NPAS3: variants seen among roughly 807,000 people sequenced by gnomAD.
NPAS3 encodes neuronal PAS domain protein 3.
Under a neutral mutation model 73.1 loss-of-function variants are expected in NPAS3, and 14 were observed. The observed-to-expected ratio is 0.19, with a 90% CI of 0.13 to 0.30. The LOEUF is 0.30. NPAS3 is among the 10% of genes least tolerant of loss of function. NPAS3 has a pLI of 1.00. For synonymous variants in NPAS3, 620 were observed against 541.5 expected, an observed-to-expected ratio of 1.14 and a Z score of -2.01; for missense variants, 1,096 against 1,250.0, an observed-to-expected ratio of 0.88 and a Z score of 1.86.
At chr14:33,079,515 A>C (rs1350774318) in intron 2 of NPAS3, among the ~76,000 whole-genome samples, 1 of 145,202 alleles carries the variant, frequency 6.9e-6, no homozygotes, top group Non-Finnish European at 1.5e-5. Context: ...ATGGGGTTTC[A>C]CCATGTTGGC....
intron 4 of NPAS3, among the ~76,000 whole-genome samples, chr14:33,458,651 G>T (rs1190286218): frequency 6.6e-6 from 1 of 152,202 alleles, no homozygotes; most frequent in East Asian, 1.9e-4. Flanking sequence ...AGCAGTTGCA[G>T]TTGTGCTGTC....
intron 2 of NPAS3, among the ~76,000 whole-genome samples, chr14:33,159,699 G>T (rs1170942683): frequency 6.6e-6 from 1 of 151,824 alleles, no homozygotes; most frequent in Non-Finnish European, 1.5e-5. Context: ...GACTACAGGC[G>T]CCCACCACCA....
chr14:33,418,271 CA>C (rs1316322062), intron 4 of NPAS3, among the ~76,000 whole-genome samples: 1 of 151,906 alleles, frequency 6.6e-6, no homozygotes. Flanking sequence ...ACTTTATAAG[CA>C]AGCAAGAGAA....
intron 4 of NPAS3, among the ~76,000 whole-genome samples, chr14:33,521,258 G>A (rs2053542149): frequency 2.0e-5 from 3 of 152,116 alleles, no homozygotes; most frequent in Admixed American, 2.0e-4. Flanking sequence ...TACTTTCCTT[G>A]AGGAGGTGTC....
chr14:33,607,949 G>A (rs1201128519), intron 5 of NPAS3, among the ~76,000 whole-genome samples: 4 of 152,066 alleles, frequency 2.6e-5, no homozygotes, highest in Non-Finnish European at 4.4e-5. Context: ...TGGGAATAGC[G>A]TGGGGGAAGC....
chr14:33,287,110 A>G lies in NPAS3; in HGVS notation c.385+71684A>G, dbSNP rs9788564. On this transcript the variant is annotated intron_variant, in intron 3 of 11. Transcript: ENST00000356141. ...ATAAAATATAGGAATATAGAAAGAA[A>G]GAAACTTTTCCCGTTTGGAGTTATT... Among the ~76,000 whole-genome samples the G allele has an allele frequency of 1.7e-3, 263 of 152,340 alleles. 8 individuals carry two copies. In the East Asian group the frequency reaches 0.044, roughly 25 times the overall value.
At chr14:33,736,287 T>C (rs181220248) in intron 7 of NPAS3, among the ~76,000 whole-genome samples, 2 of 152,320 alleles carry the variant, frequency 1.3e-5, no homozygotes, top group African/African-American at 4.8e-5. Context: ...GACTAGCAGC[T>C]GTATAGAAGT....
intron 3 of NPAS3, among the ~76,000 whole-genome samples, chr14:33,350,442 G>A (rs938143784): frequency 1.3e-5 from 2 of 152,166 alleles, no homozygotes; most frequent in African/African-American, 4.8e-5. Context: ...TTCACACCAT[G>A]GTTTATGCAT....
intron 6 of NPAS3, among the ~76,000 whole-genome samples, chr14:33,730,270 C>G (rs142672921): frequency 6.6e-6 from 1 of 152,140 alleles, no homozygotes; most frequent in African/African-American, 2.4e-5. Context: ...ACCTCATGAC[C>G]TTTGGAGTCC....
chr14:33,432,515 TAA>T (rs952777977), intron 4 of NPAS3, among the ~76,000 whole-genome samples: 11 of 152,198 alleles, frequency 7.2e-5, no homozygotes, highest in African/African-American at 2.2e-4. Flanking sequence ...AAATCTTTGC[TAA>T]ACCTCAATAT....
chr14:33,703,260 G>A (rs190076277), intron 6 of NPAS3, among the ~76,000 whole-genome samples: 1 of 152,100 alleles, frequency 6.6e-6, no homozygotes, highest in Non-Finnish European at 1.5e-5. Context: ...GGGTGAGGTG[G>A]GATTGCCAGA....
At chr14:33,105,427 C>CT (rs1463753197) in intron 2 of NPAS3, among the ~76,000 whole-genome samples, 1 of 152,056 alleles carries the variant, frequency 6.6e-6, no homozygotes, top group South Asian at 2.1e-4. Flanking sequence ...GCTTTTCTGC[C>CT]TTTTTTTCTG....
At chr14:33,171,293 G>A (rs1470167838) in intron 2 of NPAS3, among the ~76,000 whole-genome samples, 1 of 152,150 alleles carries the variant, frequency 6.6e-6, no homozygotes, top group Non-Finnish European at 1.5e-5. Context: ...AGCCTTCGTC[G>A]TTCCATTCCT....
At chr14:33,405,367 A>C (rs1297435827) in intron 4 of NPAS3, among the ~76,000 whole-genome samples, 1 of 152,118 alleles carries the variant, frequency 6.6e-6, no homozygotes, top group African/African-American at 2.4e-5. Context: ...TATGAGGGAA[A>C]GTCTCCTTCC....
rs1014371362 is a variant in NPAS3, at chr14:33,375,520, A to C, written c.468+8252A>C. Among the ~76,000 whole-genome samples the C allele has an allele frequency of 2.6e-5, 4 of 152,334 alleles. No individual in the cohort carries two copies. The South Asian group carries it at 8.3e-4, about 32-fold the overall frequency. On this transcript the variant is annotated intron_variant, in intron 4 of 11. Transcript: ENST00000356141. ...TATGAACAACTCAAGATAATTTTGC[A>C]TATTTAAATTAGTTGCTTTTAAATT...
At chr14:33,662,869 CTTTTTTTTTT>C (rs550747845) in intron 5 of NPAS3, among the ~76,000 whole-genome samples, 5 of 89,896 alleles carry the variant, frequency 5.6e-5, no homozygotes, top group African/African-American at 1.4e-4. Flanking sequence ...TGGGGTTTTC[CTTTTTTTTTT>C]TTTTTTTTTT....
chr14:33,017,682 G>C (rs966599388), intron 1 of NPAS3, among the ~76,000 whole-genome samples: 1 of 152,144 alleles, frequency 6.6e-6, no homozygotes, highest in Non-Finnish European at 1.5e-5. Context: ...TTAGCTGAGT[G>C]ACCGTGAGCA....
At chr14:33,637,982 C>G (rs957118445) in intron 5 of NPAS3, among the ~76,000 whole-genome samples, 4 of 152,270 alleles carry the variant, frequency 2.6e-5, no homozygotes, top group Non-Finnish European at 4.4e-5. Flanking sequence ...AGTGATCTTT[C>G]CGTGCTGTGA....
chr14:32,966,979 T>C (rs1351749723), intron 1 of NPAS3, among the ~76,000 whole-genome samples: 1 of 151,964 alleles, frequency 6.6e-6, no homozygotes, highest in Admixed American at 6.6e-5. Context: ...ATCGACAGAG[T>C]GAAGAGACAA....
Sources: allele counts gnomAD v4.1 joint callset (sites outside exome capture counted in the v4.1 genomes callset), GRCh38; gene constraint gnomAD v4.1.1; transcripts MANE v1.5; gene names NCBI Gene and HGNC (gene_info 2026-07-23, HGNC 2026-07-21).